Variants in SORBS2 observed in about 807,000 individuals in gnomAD.
SORBS2 encodes the protein sorbin and SH3 domain-containing protein 2.
Under a neutral mutation model 97.7 loss-of-function variants are expected in SORBS2, and 46 were observed. The ratio of observed to expected loss-of-function variants is 0.47; its 90% CI spans 0.37 to 0.60. The LOEUF (loss-of-function observed/expected upper bound fraction) is 0.60, where lower values mean the gene tolerates loss of function less well. SORBS2 is among the 20% of genes least tolerant of loss of function. The pLI, the probability that SORBS2 is intolerant of heterozygous loss-of-function variation, is 0.00. For synonymous variants in SORBS2, 476 were observed against 473.4 expected, an observed-to-expected ratio of 1.01 and a Z score of -0.07; for missense variants, 1,316 against 1,282.3, an observed-to-expected ratio of 1.03 and a Z score of -0.40.
chr4:185,919,147 T>C (rs4298179), intron 1 of SORBS2, among the ~76,000 whole-genome samples: 28,202 of 152,152 alleles, frequency 0.19, 3,444 homozygotes, highest in African/African-American at 0.35. Context: ...TCCTCTTTTA[T>C]GAACCAGCAT....
intron 1 of SORBS2, among the ~76,000 whole-genome samples, chr4:185,898,853 A>G (rs2149823297): frequency 6.6e-6 from 1 of 152,344 alleles, no homozygotes; most frequent in East Asian, 1.9e-4. Flanking sequence ...CATAAATCTA[A>G]AAGGCGATTA....
intron 2 of SORBS2, among the ~76,000 whole-genome samples, chr4:185,732,481 G>T (rs1180627824): frequency 6.6e-6 from 1 of 152,192 alleles, no homozygotes; most frequent in Non-Finnish European, 1.5e-5. Flanking sequence ...ACTGTGAGGG[G>T]TTATTAGTCC....
chr4:185,657,530 A>G, upstream of SORBS2: 1 of 1,581,784 alleles, frequency 6.3e-7, no homozygotes, highest in Non-Finnish European at 8.6e-7. Flanking sequence ...GGATCGGTAC[A>G]GGGGGATAGA....
At chr4:185,671,435 G>GA (rs762949589) in intron 4 of SORBS2, among the ~76,000 whole-genome samples, 10 of 152,198 alleles carry the variant, frequency 6.6e-5, no homozygotes, top group Non-Finnish European at 1.5e-4. Flanking sequence ...GAGTCAGACA[G>GA]ACTTGGGCAA....
intron 1 of SORBS2, among the ~76,000 whole-genome samples, chr4:185,785,216 GT>G (rs1202985526): frequency 1.9e-5 from 1 of 52,312 alleles, no homozygotes; most frequent in Non-Finnish European, 5.9e-5. Context: ...GACTTTGAGC[GT>G]TTAAAAAAAA....
At chr4:185,724,214 T>C (rs550281779) in intron 2 of SORBS2, among the ~76,000 whole-genome samples, 2 of 152,168 alleles carry the variant, frequency 1.3e-5, no homozygotes, top group African/African-American at 2.4e-5. Flanking sequence ...TGGCTTTTTT[T>C]TGATGATGTT....
chr4:185,812,005 T>G (rs1013681742), intron 1 of SORBS2: 1 of 152,238 alleles, frequency 6.6e-6, no homozygotes, highest in Non-Finnish European at 1.5e-5. Flanking sequence ...ATAGCAGATA[T>G]GCAGCATTAT....
chr4:185,719,315 T>G (rs6837079), intron 2 of SORBS2, among the ~76,000 whole-genome samples: 122,674 of 152,104 alleles, frequency 0.81, 50,116 homozygotes, highest in Non-Finnish European at 0.89. Flanking sequence ...TGCCGGTAGG[T>G]ACTCTCAAAC....
At chr4:185,671,432 A>G (rs572900270) in intron 4 of SORBS2, among the ~76,000 whole-genome samples, 1 of 152,306 alleles carries the variant, frequency 6.6e-6, no homozygotes, top group East Asian at 1.9e-4. Flanking sequence ...CTTGAGTCAG[A>G]CAGACTTGGG....
chr4:185,657,437 G>A (rs754628681), upstream of SORBS2: 2 of 1,556,410 alleles, frequency 1.3e-6, no homozygotes, highest in South Asian at 1.2e-5. Context: ...TCTAATTGCT[G>A]TGGGGATTCC....
intron 2 of SORBS2, among the ~76,000 whole-genome samples, chr4:185,650,856 G>C (rs1354209839): frequency 2.6e-5 from 4 of 152,116 alleles, no homozygotes; most frequent in Non-Finnish European, 5.9e-5. Context: ...TAAACCCAGA[G>C]GGCTTGCTGA....
chr4:185,742,565 G>A (rs1339402933), intron 2 of SORBS2, among the ~76,000 whole-genome samples: 3 of 152,130 alleles, frequency 2.0e-5, no homozygotes, highest in Non-Finnish European at 2.9e-5. Flanking sequence ...TTTTCTTCAA[G>A]GATCCAATAA....
At chr4:185,697,981 T>C (rs991359828) in intron 2 of SORBS2, among the ~76,000 whole-genome samples, 1 of 152,226 alleles carries the variant, frequency 6.6e-6, no homozygotes, top group Admixed American at 6.5e-5. Flanking sequence ...TAGTTTTGCA[T>C]GTCTCATACT....
At chr4:185,874,492 G>T (rs887785623) in intron 1 of SORBS2, among the ~76,000 whole-genome samples, 3 of 152,120 alleles carry the variant, frequency 2.0e-5, no homozygotes, top group African/African-American at 7.2e-5. Context: ...CATGCTGAAT[G>T]ACTTAATTTT....
intron 1 of SORBS2, among the ~76,000 whole-genome samples, chr4:185,839,885 G>T (rs910363788): frequency 2.6e-5 from 4 of 152,184 alleles, no homozygotes; most frequent in Non-Finnish European, 5.9e-5. Flanking sequence ...AGGGCACACT[G>T]GCCTCAGAAC....
intron 9 of SORBS2, chr4:185,615,362 A>G: frequency 1.8e-6 from 1 of 569,854 alleles, no homozygotes; most frequent in Non-Finnish European, 3.1e-6. Flanking sequence ...AAATGATTTC[A>G]AACAGAGTAA....
intron 1 of SORBS2, chr4:185,956,132 A>C (rs890747625): frequency 6.6e-6 from 1 of 152,238 alleles, no homozygotes; most frequent in Non-Finnish European, 1.5e-5. Flanking sequence ...TTCCTCCAGG[A>C]TCAGCATCTC....
intron 12 of SORBS2, among the ~76,000 whole-genome samples, chr4:185,603,952 T>G (rs1024670191): frequency 6.6e-6 from 1 of 152,116 alleles, no homozygotes; most frequent in Non-Finnish European, 1.5e-5. Context: ...CCAAAGATCA[T>G]CCTGTCTCCA....
At chr4:185,811,939 G>A (rs1360888785) in intron 1 of SORBS2, 1 of 152,288 alleles carries the variant, frequency 6.6e-6, no homozygotes, top group Non-Finnish European at 1.5e-5. Context: ...GAGCTGCTGA[G>A]ATAATATTGC....
Sources: gnomAD v4.1 joint callset for allele counts (sites outside exome capture counted in the v4.1 genomes callset) on GRCh38, gnomAD v4.1.1 for gene constraint, MANE v1.5 for transcripts, NCBI Gene and HGNC (gene_info 2026-07-23, HGNC 2026-07-21) for gene names.